The following SNX6 variants were observed in gnomAD, a reference collection of about 807,000 sequenced individuals.
SNX6 encodes sorting nexin 6.
SNX6 carries 34 observed loss-of-function variants against 63.0 expected under a neutral mutation model. That is an observed-to-expected ratio of 0.54 (90% CI 0.41 to 0.72). The LOEUF is 0.72. SNX6 is among the 30% of genes least tolerant of loss of function. The probability of loss-of-function intolerance (pLI) is 0.00; values close to 1 mark genes in which losing one functional copy is unlikely to be tolerated. For missense variants in SNX6, 398 were observed against 471.4 expected (o/e 0.84, Z 1.44); for synonymous variants, 170 against 164.2 (o/e 1.04, Z -0.27).
At chr14:34,622,909 G>A (rs1047431244) in intron 2 of SNX6, among the ~76,000 whole-genome samples, 34 of 152,316 alleles carry the variant, frequency 2.2e-4, no homozygotes, top group Admixed American at 2.2e-3. Flanking sequence ...AGGGATTTGA[G>A]AATTGAGTTT....
chr14:34,572,711 C>T (rs1295092642), intron 11 of SNX6, among the ~76,000 whole-genome samples: 1 of 151,568 alleles, frequency 6.6e-6, no homozygotes, highest in Non-Finnish European at 1.5e-5. Flanking sequence ...GATGGAGTCT[C>T]GCTCTGTCCC....
intron 10 of SNX6, among the ~76,000 whole-genome samples, chr14:34,576,161 G>A (rs1009330710): frequency 1.3e-5 from 2 of 151,644 alleles, no homozygotes; most frequent in South Asian, 2.1e-4. Flanking sequence ...TCCTGACCTC[G>A]TGATCTGCCC....
At chr14:34,568,884 TCC>T in intron 11 of SNX6, 4 of 1,171,696 alleles carry the variant, frequency 3.4e-6, no homozygotes, top group Non-Finnish European at 5.1e-6. Context: ...TTCTCTGACA[TCC>T]CCCATAGATC....
chr14:34,610,746 A>T (rs1341808695), intron 2 of SNX6, among the ~76,000 whole-genome samples: 1 of 152,148 alleles, frequency 6.6e-6, no homozygotes, highest in Non-Finnish European at 1.5e-5. Context: ...TAAACAATAA[A>T]TAACTTGTTT....
At chr14:34,615,616 CTTT>C (rs201318699) in intron 2 of SNX6, among the ~76,000 whole-genome samples, 1 of 151,688 alleles carries the variant, frequency 6.6e-6, no homozygotes, top group Non-Finnish European at 1.5e-5. Context: ...TTCTCCTTTT[CTTT>C]TTTTTTCCCC....
At chr14:34,568,144 A>ATTTTTTT in intron 11 of SNX6, 131 bp from the exon 12 acceptor site, 3 of 457,264 alleles carry the variant, frequency 6.6e-6, no homozygotes, top group Non-Finnish European at 1.1e-5. Context: ...AGTTACTCCA[A>ATTTTTTT]TTTTTTTTTT....
chr14:34,570,109 C>T (rs1881377245), intron 11 of SNX6, among the ~76,000 whole-genome samples: 1 of 151,118 alleles, frequency 6.6e-6, no homozygotes, highest in African/African-American at 2.4e-5. Flanking sequence ...GCTGTTTTTG[C>T]CCAGGCTGGA....
At chr14:34,625,810 A>G (rs906897078) in intron 2 of SNX6, among the ~76,000 whole-genome samples, 12 of 152,190 alleles carry the variant, frequency 7.9e-5, no homozygotes, top group African/African-American at 2.9e-4. Context: ...TGTGACCAAC[A>G]GTTTTCAATA....
intron 8 of SNX6, 92 bp downstream of exon 8, chr14:34,592,953 A>T: frequency 1.1e-6 from 1 of 881,198 alleles, no homozygotes; most frequent in Non-Finnish European, 1.8e-6. Flanking sequence ...TTTGAGAACT[A>T]CTGCTCTATA....
chr14:34,583,342 G>C (rs575368716), intron 9 of SNX6, among the ~76,000 whole-genome samples: 2 of 152,120 alleles, frequency 1.3e-5, no homozygotes, highest in African/African-American at 4.8e-5. Flanking sequence ...TCTGGTGCTG[G>C]GATATTTTTT....
chr14:34,614,083 G>C (rs1028838693), intron 2 of SNX6, among the ~76,000 whole-genome samples: 1 of 151,686 alleles, frequency 6.6e-6, no homozygotes, highest in Non-Finnish European at 1.5e-5. Context: ...CTCCAGCCTG[G>C]AAGACAGAGC....
chr14:34,623,163 TA>T (rs1194326935), intron 2 of SNX6, among the ~76,000 whole-genome samples: 1 of 152,152 alleles, frequency 6.6e-6, no homozygotes, highest in Non-Finnish European at 1.5e-5. Context: ...GTGAAGTAAC[TA>T]TCAATAAATG....
At chr14:34,602,286 C>T (rs1882844763) in intron 6 of SNX6, among the ~76,000 whole-genome samples, 1 of 151,980 alleles carries the variant, frequency 6.6e-6, no homozygotes, top group Non-Finnish European at 1.5e-5. Flanking sequence ...ATTATCTTGG[C>T]ATGGTGGCGC....
chr14:34,614,824 A>G (rs1040466404), intron 2 of SNX6, among the ~76,000 whole-genome samples: 1 of 152,158 alleles, frequency 6.6e-6, no homozygotes, highest in Non-Finnish European at 1.5e-5. Context: ...CTGAGGCAGG[A>G]AGATCAAGAG....
At chr14:34,570,436 T>C (rs1194038661) in intron 11 of SNX6, among the ~76,000 whole-genome samples, 1 of 151,488 alleles carries the variant, frequency 6.6e-6, no homozygotes, top group Admixed American at 6.6e-5. Context: ...ATTTTTTTTT[T>C]CCTGAGACTG....
intron 13 of SNX6, among the ~76,000 whole-genome samples, chr14:34,564,758 C>G (rs868678638): frequency 6.7e-6 from 1 of 150,072 alleles, no homozygotes; most frequent in Admixed American, 6.7e-5. Context: ...ACCCGGGAGG[C>G]AGAGGTTGCA....
At chr14:34,594,634 T>C (rs1403876597) in intron 7 of SNX6, among the ~76,000 whole-genome samples, 1 of 152,090 alleles carries the variant, frequency 6.6e-6, no homozygotes, top group East Asian at 1.9e-4. Context: ...AGTGTTAGGA[T>C]TACAGGAGTG....
At chr14:34,629,641 C>G (rs1438591113) in intron 2 of SNX6, 2 of 690,602 alleles carry the variant, frequency 2.9e-6, no homozygotes, top group Non-Finnish European at 5.3e-6. Flanking sequence ...GCACCCCGCC[C>G]CGCGTGGGAG....
At chr14:34,594,258 C>A (rs1277644439) in intron 7 of SNX6, among the ~76,000 whole-genome samples, 6 of 151,952 alleles carry the variant, frequency 3.9e-5, no homozygotes, top group Non-Finnish European at 8.8e-5. Flanking sequence ...CACTGAGGAA[C>A]CTGACCAAAC....
Sources: gnomAD v4.1 joint callset for allele counts (sites outside exome capture counted in the v4.1 genomes callset) on GRCh38, gnomAD v4.1.1 for gene constraint, MANE v1.5 for transcripts, NCBI Gene and HGNC (gene_info 2026-07-23, HGNC 2026-07-21) for gene names.